Variants in CYSTM1 observed in about 807,000 individuals in gnomAD.
The protein encoded by CYSTM1 is cysteine rich transmembrane module containing 1, also known as cysteine-rich transmembrane module-containing protein 1.
In CYSTM1, 4 loss-of-function variants were observed where a neutral mutation model predicts 13.1. The observed-to-expected ratio is 0.31, with a 90% CI of 0.15 to 0.70. The LOEUF is 0.70. CYSTM1 is among the 30% of genes least tolerant of loss of function. CYSTM1 has a pLI of 0.72. For synonymous variants in CYSTM1, 36 were observed against 42.7 expected (o/e 0.84, Z 0.62); for missense variants, 96 against 121.6 (o/e 0.79, Z 0.99).
chr5:140,208,133 C>G (rs116161024), intron 2 of CYSTM1, among the ~76,000 whole-genome samples: 1 of 152,214 alleles, frequency 6.6e-6, no homozygotes, highest in South Asian at 2.1e-4. Flanking sequence ...AAAGAGATAC[C>G]TGCACTCTCA....
In CYSTM1 at chr5:140,242,163, G is replaced by C. The variant is rs1445205416; in HGVS notation, c.188-1142G>C. 3.9e-5 allele frequency among the ~76,000 whole-genome samples: 6 copies of C among 152,290 alleles called. No homozygotes were observed. The East Asian group carries it at 1.2e-3, about 29-fold the overall frequency. On this transcript the variant is annotated intron_variant, in intron 2 of 2. Coordinates refer to ENST00000261811, the MANE Select transcript of CYSTM1 (RefSeq NM_032412.4). ...GTGAAGGGCATCTAGACCCAGACCTGTGCTGCTGAGTGGAGCCAAATGCAA... is the reference window on the plus strand; with the variant it reads ...GTGAAGGGCATCTAGACCCAGACCTCTGCTGCTGAGTGGAGCCAAATGCAA...
chr5:140,176,761 G>T (rs1763890681), intron 1 of CYSTM1, among the ~76,000 whole-genome samples: 1 of 152,144 alleles, frequency 6.6e-6, no homozygotes, highest in South Asian at 2.1e-4. Context: ...ACTATTTGTT[G>T]ATTGTAGATC....
intron 2 of CYSTM1, among the ~76,000 whole-genome samples, chr5:140,235,408 CTT>C (rs11310816): frequency 7.2e-4 from 100 of 139,488 alleles, no homozygotes; most frequent in Non-Finnish European, 8.1e-4. Flanking sequence ...AAAAACTTTC[CTT>C]TTTTTTTTTT....
chr5:140,184,311 A>G (rs778528691), intron 1 of CYSTM1, among the ~76,000 whole-genome samples: 5 of 152,148 alleles, frequency 3.3e-5, no homozygotes, highest in Non-Finnish European at 7.4e-5. Flanking sequence ...CATGGATTGG[A>G]AATACCATGG....
intron 2 of CYSTM1, among the ~76,000 whole-genome samples, chr5:140,213,067 A>G (rs1247930360): frequency 1.3e-5 from 2 of 148,628 alleles, no homozygotes; most frequent in African/African-American, 2.5e-5. Context: ...AGTTAACCAT[A>G]AAACAGCCTC....
chr5:140,177,468 A>G (rs1387908915), intron 1 of CYSTM1, among the ~76,000 whole-genome samples: 11 of 151,946 alleles, frequency 7.2e-5, no homozygotes, highest in Non-Finnish European at 8.8e-5. Context: ...TATTTCTTTG[A>G]CTCCAGAAAA....
chr5:140,194,245 T>C (rs1490873304), intron 1 of CYSTM1, among the ~76,000 whole-genome samples: 1 of 152,030 alleles, frequency 6.6e-6, no homozygotes, highest in Non-Finnish European at 1.5e-5. Flanking sequence ...GTGGAGGAAA[T>C]AGACAAAAGG....
chr5:140,237,182 C>G (rs1764692416), intron 2 of CYSTM1, among the ~76,000 whole-genome samples: 1 of 152,176 alleles, frequency 6.6e-6, no homozygotes, highest in African/African-American at 2.4e-5. Flanking sequence ...GACTGTTGGA[C>G]CAGGTCATTC....
intron 2 of CYSTM1, among the ~76,000 whole-genome samples, chr5:140,216,037 G>A (rs62383940): frequency 0.15 from 22,668 of 152,034 alleles, 1,942 homozygotes; most frequent in South Asian, 0.29. Flanking sequence ...AGATATTTGG[G>A]AGACTGAGGC....
intron 2 of CYSTM1, among the ~76,000 whole-genome samples, chr5:140,211,640 C>G (rs1427467903): frequency 6.6e-6 from 1 of 152,166 alleles, no homozygotes; most frequent in Non-Finnish European, 1.5e-5. Context: ...CCTCGTACAG[C>G]AAATACCTGT....
At chr5:140,185,949 T>C (rs1197081869) in intron 1 of CYSTM1, among the ~76,000 whole-genome samples, 1 of 152,242 alleles carries the variant, frequency 6.6e-6, no homozygotes, top group Non-Finnish European at 1.5e-5. Context: ...TGTGTAACAC[T>C]TTGAGGTAAC....
intron 2 of CYSTM1, among the ~76,000 whole-genome samples, chr5:140,203,977 A>G (rs566362162): frequency 3.9e-5 from 6 of 152,272 alleles, no homozygotes; most frequent in Middle Eastern, 3.4e-3. Context: ...CCCATTTACC[A>G]TTCCTTGCTA....
chr5:140,233,426 CTGAG>C (rs979180971), intron 2 of CYSTM1, among the ~76,000 whole-genome samples: 1 of 152,180 alleles, frequency 6.6e-6, no homozygotes, highest in Admixed American at 6.5e-5. Flanking sequence ...GTTTCTACCT[CTGAG>C]TGATTATGAA....
intron 2 of CYSTM1, among the ~76,000 whole-genome samples, chr5:140,226,859 G>T (rs1425920232): frequency 6.6e-6 from 1 of 151,726 alleles, no homozygotes; most frequent in African/African-American, 2.4e-5. Flanking sequence ...AGGCCAAGGG[G>T]TGGGGTGGGC....
At chr5:140,185,280 A>G (rs956139746) in intron 1 of CYSTM1, among the ~76,000 whole-genome samples, 1 of 152,232 alleles carries the variant, frequency 6.6e-6, no homozygotes, top group Non-Finnish European at 1.5e-5. Context: ...GAAAGGTCCC[A>G]TATCTGAGCT....
chr5:140,215,813 G>T (rs951962761), intron 2 of CYSTM1, among the ~76,000 whole-genome samples: 16 of 152,080 alleles, frequency 1.1e-4, no homozygotes, highest in African/African-American at 2.4e-5. Context: ...GTTGTTGAGT[G>T]TGTTGTTTTG....
At chr5:140,236,112 T>C (rs139774980) in intron 2 of CYSTM1, among the ~76,000 whole-genome samples, 392 of 152,362 alleles carry the variant, frequency 2.6e-3, no homozygotes, top group African/African-American at 8.9e-3. Flanking sequence ...GATTCCCTTT[T>C]TTATTTCCGT....
At chr5:140,192,570 C>T (rs1764106412) in intron 1 of CYSTM1, among the ~76,000 whole-genome samples, 1 of 152,166 alleles carries the variant, frequency 6.6e-6, no homozygotes, top group Non-Finnish European at 1.5e-5. Context: ...TTAAAACTGG[C>T]TCCTTCTCAG....
intron 2 of CYSTM1, among the ~76,000 whole-genome samples, chr5:140,242,601 G>A (rs1276321999): frequency 1.3e-5 from 2 of 152,118 alleles, no homozygotes; most frequent in Non-Finnish European, 2.9e-5. Flanking sequence ...GGTAGTTGGG[G>A]TCCTTCTTGA....
Sources: allele counts gnomAD v4.1 joint callset (sites outside exome capture counted in the v4.1 genomes callset), GRCh38; gene constraint gnomAD v4.1.1; transcripts MANE v1.5; gene names NCBI Gene and HGNC (gene_info 2026-07-23, HGNC 2026-07-21).